Variants in POLQ observed in about 807,000 individuals in gnomAD.
POLQ encodes DNA polymerase theta.
Under a neutral mutation model 259.2 loss-of-function variants are expected in POLQ, and 233 were observed. The observed-to-expected ratio is 0.90, with a 90% CI of 0.81 to 1.00. POLQ has a LOEUF of 1.00. Ranked by LOEUF, POLQ falls within the 50% of genes least tolerant of loss-of-function variation. POLQ has a pLI of 0.00. For missense variants in POLQ, 2,871 were observed against 3,051.6 expected (o/e 0.94, Z 1.39); for synonymous variants, 1,025 against 1,048.8 (o/e 0.98, Z 0.44).
chr3:121,480,326 A>T (rs2047960584), intron 19 of POLQ, among the ~76,000 whole-genome samples: 1 of 152,292 alleles, frequency 6.6e-6, no homozygotes, highest in African/African-American at 2.4e-5. Context: ...AAAATAAAAC[A>T]TATCTATATC....
intron 12 of POLQ, among the ~76,000 whole-genome samples, chr3:121,503,739 T>C (rs2048190015): frequency 6.6e-6 from 1 of 152,250 alleles, no homozygotes; most frequent in Non-Finnish European, 1.5e-5. Context: ...TCCTGCCATA[T>C]ACAGAGTAAT....
chr3:121,518,781 A>G lies in POLQ; in HGVS notation c.1468+1090T>C, dbSNP rs977890853. Reference sequence around the variant, plus strand: ...TTTGTTTTTTTTTGACATATCTAATAAAATACTGGAGTCAATTATGTCCTA... The same window carrying G: ...TTTGTTTTTTTTTGACATATCTAATGAAATACTGGAGTCAATTATGTCCTA... On this transcript the variant is annotated intron_variant, in intron 9 of 29. Coordinates refer to ENST00000264233, the MANE Select transcript of POLQ (RefSeq NM_199420.4). 3.3e-5 allele frequency among the ~76,000 whole-genome samples: 5 copies of G among 152,148 alleles called. No individual in the cohort carries two copies. In the East Asian group the frequency reaches 9.7e-4, roughly 29 times the overall value.
In POLQ at chr3:121,493,467, T is replaced by A; in HGVS notation, c.2522+11A>T. On this transcript the variant is annotated intron_variant, in intron 15 of 29. Coordinates refer to ENST00000264233, the MANE Select transcript of POLQ (RefSeq NM_199420.4). ...TTTCATAAGCCCATGTAGGTAAAGGTATTTTCTTACCTTTTGAAAGGCACA... is the reference window on the plus strand; with the variant it reads ...TTTCATAAGCCCATGTAGGTAAAGGAATTTTCTTACCTTTTGAAAGGCACA... 4 of 1,603,954 alleles carry A rather than the reference T, an allele frequency of 2.5e-6. No individual in the cohort carries two copies. The highest frequency in any genetic ancestry group is 3.4e-6 in the Non-Finnish European group (4 of 1,172,484).
At chr3:121,469,560 A>C (rs1315654604) in intron 22 of POLQ, among the ~76,000 whole-genome samples, 1 of 152,210 alleles carries the variant, frequency 6.6e-6, no homozygotes, top group Non-Finnish European at 1.5e-5. Flanking sequence ...ATAATTGTTG[A>C]CATTAAATGG....
intron 1 of POLQ, among the ~76,000 whole-genome samples, chr3:121,545,286 C>T (rs1174688241): frequency 2.6e-5 from 4 of 152,096 alleles, no homozygotes; most frequent in Non-Finnish European, 4.4e-5. Context: ...TTTTAAAAAA[C>T]TGGGTCGACA....
intron 25 of POLQ, among the ~76,000 whole-genome samples, chr3:121,457,298 C>T (rs1463746322): frequency 6.6e-6 from 1 of 152,194 alleles, no homozygotes; most frequent in Non-Finnish European, 1.5e-5. Flanking sequence ...AAAACCTAGG[C>T]AATACCATTC....
At chr3:121,456,049 T>G (rs887422414) in intron 25 of POLQ, among the ~76,000 whole-genome samples, 3 of 152,176 alleles carry the variant, frequency 2.0e-5, no homozygotes, top group Non-Finnish European at 4.4e-5. Flanking sequence ...CAAGTGGGCT[T>G]CATCCCTGGG....
chr3:121,463,706 G>A (rs2047811896), intron 24 of POLQ, among the ~76,000 whole-genome samples: 2 of 152,016 alleles, frequency 1.3e-5, no homozygotes, highest in African/African-American at 4.8e-5. Flanking sequence ...ATTTTAAGTA[G>A]ATATGAAAAA....
chr3:121,512,331 T>C (rs567927935), intron 9 of POLQ, among the ~76,000 whole-genome samples: 5 of 152,332 alleles, frequency 3.3e-5, no homozygotes, highest in African/African-American at 9.6e-5. Flanking sequence ...AATTTTTCCC[T>C]TTGTGATGAT....
chr3:121,473,358 T>A lies in POLQ; in HGVS notation c.6535A>T (p.Thr2179Ser). The A allele has an allele frequency of 6.2e-7, 1 of 1,613,802 alleles. No homozygotes were observed. The highest frequency in any genetic ancestry group is 8.5e-7 in the Non-Finnish European group (1 of 1,179,888). The change falls in exon 21 of 30, where the codon ACT becomes TCT. Residue 2179 changes from threonine (T) to serine (S), a missense_variant. Physicochemically the swap from Thr to Ser is moderately conservative, Grantham distance 58. This residue lies in a region of POLQ where 2,080 missense variants were observed against 2,126.0 expected (regional missense o/e 0.98). Transcript: ENST00000264233. ...ACTGCCCCAAAGAGCACCTTACTAGTGCTGAACTGTCTTCCCAGCCTTAGC... is the reference window on the plus strand; with the variant it reads ...ACTGCCCCAAAGAGCACCTTACTAGAGCTGAACTGTCTTCCCAGCCTTAGC... ...RKLRLGRQFSTSKDVLNKLKA... is the reference protein window; with the variant it reads ...RKLRLGRQFSSSKDVLNKLKA...
At position 121,489,857 on chromosome 3, in the gene POLQ, T is replaced by C; in HGVS notation, c.3074A>G (p.Lys1025Arg). ...VVQTFSQKTK[K>R]APLNFNSEKM... is the part of the protein sequence containing the mutation. The stretch of plus-strand genomic sequence containing the variant: ...TTCTGAATTGAAATTCAAAGGTGCC[T>C]TTTTTGTTTTCTGTGAAAAAGTCTG... The change falls in exon 16 of 30, where the codon AAG becomes AGG. Residue 1025 changes from lysine to arginine, a missense_variant. Physicochemically the swap from Lys to Arg is conservative, Grantham distance 26. Transcript: ENST00000264233. 1 of 1,538,944 alleles carries C rather than the reference T, an allele frequency of 6.5e-7. No homozygotes were observed. The highest frequency in any genetic ancestry group is 8.9e-7 in the Non-Finnish European group (1 of 1,118,808).
chr3:121,449,531 T>C (rs543578980), intron 25 of POLQ, 105 bp from the exon 26 acceptor site: 1 of 716,342 alleles, frequency 1.4e-6, no homozygotes, highest in Admixed American at 2.0e-5. Flanking sequence ...TCACAGTGAG[T>C]GAAACAATGA....
chr3:121,435,780 T>C (rs913020059), intron 28 of POLQ, among the ~76,000 whole-genome samples: 3 of 152,228 alleles, frequency 2.0e-5, no homozygotes, highest in African/African-American at 7.2e-5. Flanking sequence ...TTTACACATA[T>C]GTAAAATAAA....
chr3:121,498,696 A>G, intron 12 of POLQ, 26 bp from the exon 13 acceptor site: 1 of 1,480,358 alleles, frequency 6.8e-7, no homozygotes, highest in South Asian at 1.2e-5. Context: ...ATTATTCATT[A>G]ACTAAAACTA....
Position 121,529,749 on chromosome 3 carries a change from C to G in POLQ, c.1004G>C (p.Cys335Ser). The G allele has an allele frequency of 6.2e-7, 1 of 1,612,186 alleles. No homozygotes were observed. The highest frequency in any genetic ancestry group is 1.1e-5 in the South Asian group (1 of 90,978). Residue 335 changes from cysteine (C) to serine (S), a missense_variant, in exon 7 of 30, where the codon TGT becomes TCT. By Grantham distance (112) the Cys-to-Ser change is moderately radical. This residue lies in a region of POLQ where 783 missense variants were observed against 906.2 expected (regional missense o/e 0.86). Coordinates refer to ENST00000264233, the MANE Select transcript of POLQ (RefSeq NM_199420.4). ...HVVSLCYETI[C>S]DNHSVLLFCP... ...AAAAAGTAATACTGAATGGTTATCA[C>G]AAATCGTCTCATAACATAAACTAAC...
chr3:121,458,257 G>C (rs2047759579), intron 25 of POLQ, among the ~76,000 whole-genome samples: 1 of 152,028 alleles, frequency 6.6e-6, no homozygotes, highest in African/African-American at 2.4e-5. Context: ...ATGGGGGAGG[G>C]ATAGCATTAG....
intron 26 of POLQ, among the ~76,000 whole-genome samples, chr3:121,440,413 A>C (rs1161560183): frequency 6.6e-6 from 1 of 152,122 alleles, no homozygotes; most frequent in East Asian, 1.9e-4. Flanking sequence ...GGTTCACTGC[A>C]GCCTGGATCT....
chr3:121,439,873 C>T (rs1352182376), intron 27 of POLQ, 119 bp downstream of exon 27: 1 of 877,850 alleles, frequency 1.1e-6, no homozygotes, highest in African/African-American at 1.7e-5. Context: ...GTTGTCTATA[C>T]AGAAAATCCA....
chr3:121,497,411 CTG>C (rs2048133800), intron 13 of POLQ, among the ~76,000 whole-genome samples: 1 of 151,914 alleles, frequency 6.6e-6, no homozygotes. Flanking sequence ...ATATTAGAGA[CTG>C]TTTTTTAAGA....
Sources: allele counts gnomAD v4.1 joint callset (sites outside exome capture counted in the v4.1 genomes callset), GRCh38; gene constraint gnomAD v4.1.1; regional missense constraint gnomAD v4.1.1; transcripts MANE v1.5; gene names NCBI Gene and HGNC (gene_info 2026-07-23, HGNC 2026-07-21).